The following LRRK2 variants were observed in gnomAD, a reference collection of about 807,000 sequenced individuals.
The protein encoded by LRRK2 is leucine rich repeat kinase 2, also known as leucine-rich repeat serine/threonine-protein kinase 2.
Under a neutral mutation model 302.6 loss-of-function variants are expected in LRRK2, and 203 were observed. That is an observed-to-expected ratio of 0.67 (90% CI 0.60 to 0.75). LRRK2 has a LOEUF of 0.75. LRRK2 is among the 30% of genes least tolerant of loss of function. LRRK2 has a pLI of 0.00. For missense variants in LRRK2, 2,830 were observed against 2,951.0 expected, an observed-to-expected ratio of 0.96 and a Z score of 0.95; for synonymous variants, 1,066 against 1,031.9, an observed-to-expected ratio of 1.03 and a Z score of -0.63.
Position 40,314,033 on chromosome 12 carries a change from T to G in LRRK2, c.4598T>G (p.Ile1533Ser). Residue 1533 changes from isoleucine (I) to serine (S), a missense_variant, in exon 32 of 51, where the codon ATC becomes AGC. Ile to Ser is a moderately radical substitution (Grantham distance 142). Around this residue, in one of 3 missense-constraint regions of LRRK2, gnomAD observed 2,121 missense variants for 2,148.0 expected, o/e 0.99. Coordinates refer to ENST00000298910, the MANE Select transcript of LRRK2 (RefSeq NM_198578.4). Reference sequence around the variant, plus strand: ...GACTGCTATGTAGAACTTGAAAAAATCATTTTATCGGAGCGTAAAAATGTG... The same window carrying G: ...GACTGCTATGTAGAACTTGAAAAAAGCATTTTATCGGAGCGTAAAAATGTG... ...IPDCYVELEK[I>S]ILSERKNVPI... The G allele has an allele frequency of 6.2e-7, 1 of 1,612,398 alleles. No homozygotes were observed. Among genetic ancestry groups the G allele is most frequent in the Non-Finnish European group, 8.5e-7 (1 of 1,178,916 alleles).
intron 2 of LRRK2, among the ~76,000 whole-genome samples, chr12:40,230,533 T>C (rs965153654): frequency 6.6e-6 from 1 of 152,224 alleles, no homozygotes; most frequent in African/African-American, 2.4e-5. Context: ...TACCTCTTCA[T>C]ATTATATTCT....
At chr12:40,226,673 C>T (rs1940902218) in intron 2 of LRRK2, among the ~76,000 whole-genome samples, 1 of 151,110 alleles carries the variant, frequency 6.6e-6, no homozygotes, top group African/African-American at 2.5e-5. Context: ...TTCCATCTGA[C>T]TATTATAGAT....
intron 39 of LRRK2, among the ~76,000 whole-genome samples, chr12:40,332,251 G>A (rs1268799146): frequency 1.3e-5 from 2 of 152,182 alleles, no homozygotes; most frequent in Non-Finnish European, 2.9e-5. Flanking sequence ...AAGTCCAGGG[G>A]CTGCATGGGT....
Position 40,249,847 on chromosome 12 carries a change from T to A in LRRK2, c.860T>A (p.Val287Glu), listed in dbSNP as rs775324471. Residue 287 changes from valine to glutamate, a missense_variant, in exon 8 of 51, where the codon GTA (valine) becomes GAA (glutamate). By Grantham distance (121) the Val-to-Glu change is moderately radical. Transcript: ENST00000298910. ...LTLGNFFNIL[V>E]LNEVHEFVVK... is the part of the protein sequence containing the mutation. The stretch of plus-strand genomic sequence containing the variant: ...TTAGGTAATTTTTTCAATATCCTGG[T>A]ATTAAACGAAGTCCATGAGTTTGTG... 1 of 1,613,842 alleles carries A rather than the reference T, an allele frequency of 6.2e-7. No individual in the cohort carries two copies. The highest frequency in any genetic ancestry group is 1.7e-5 in the Admixed American group (1 of 60,006).
intron 7 of LRRK2, among the ~76,000 whole-genome samples, chr12:40,246,507 T>G (rs1274648795): frequency 6.6e-6 from 1 of 152,132 alleles, no homozygotes; most frequent in African/African-American, 2.4e-5. Flanking sequence ...TACATGGCTA[T>G]TTTGTGTTTT....
intron 40 of LRRK2, among the ~76,000 whole-genome samples, chr12:40,337,605 T>C (rs1945912977): frequency 6.6e-6 from 1 of 152,184 alleles, no homozygotes; most frequent in South Asian, 2.1e-4. Flanking sequence ...ACATTATCTT[T>C]TTAGTCAATT....
intron 37 of LRRK2, among the ~76,000 whole-genome samples, chr12:40,322,957 T>C (rs1035431624): frequency 6.6e-6 from 1 of 152,136 alleles, no homozygotes; most frequent in Admixed American, 6.5e-5. Context: ...AACGTAGGAA[T>C]AAGTTTTTAA....
rs199565937 is a variant in LRRK2, at chr12:40,293,697, G to A, written c.2808+34G>A. The A allele has an allele frequency of 1.7e-5, 24 of 1,404,266 alleles. No homozygotes were observed. In the South Asian group the frequency reaches 2.5e-4, roughly 15 times the overall value. 87.0% of individuals were successfully genotyped at this position (1,404,266 alleles called of 1,614,324 possible). A position where few individuals can be genotyped will look rare whatever the true frequency, so the allele number is the denominator to read the frequency against. On this transcript the variant is annotated intron_variant, in intron 21 of 50. Coordinates refer to ENST00000298910, the MANE Select transcript of LRRK2 (RefSeq NM_198578.4). ...AATTGTGCAATTGTGATTATGTTGT[G>A]TTTTGCTGCTGACATTCTCTTGATA...
intron 40 of LRRK2, among the ~76,000 whole-genome samples, chr12:40,335,967 T>C (rs1383173977): frequency 1.3e-5 from 2 of 152,182 alleles, no homozygotes; most frequent in African/African-American, 2.4e-5. Context: ...TCTAACAATT[T>C]CTCTCACTAA....
At chr12:40,316,802 T>TA in intron 33 of LRRK2, among the ~76,000 whole-genome samples, 1 of 152,020 alleles carries the variant, frequency 6.6e-6, no homozygotes, top group South Asian at 2.1e-4. Context: ...TGGGGACAAA[T>TA]AAAAAAGATG....
At chr12:40,234,667 G>T (rs1941369885) in intron 3 of LRRK2, among the ~76,000 whole-genome samples, 1 of 151,974 alleles carries the variant, frequency 6.6e-6, no homozygotes, top group Admixed American at 6.5e-5. Flanking sequence ...GTGAGCAACG[G>T]CCACCGGCCC....
chr12:40,275,843 C>T (rs571780661), intron 16 of LRRK2, among the ~76,000 whole-genome samples: 67 of 152,050 alleles, frequency 4.4e-4, no homozygotes, highest in African/African-American at 1.5e-3. Flanking sequence ...ACTCCCTGGT[C>T]TCAAGCAATC....
rs752422314 is a variant in LRRK2 at position 40,225,325 on chromosome 12, T to C, written c.151+43T>C. 4.4e-6 allele frequency: 7 copies of C among 1,607,588 alleles called. No individual in the cohort carries two copies. In the East Asian group the frequency reaches 1.3e-4, roughly 31 times the overall value. On this transcript the variant is annotated intron_variant, in intron 1 of 50. Transcript: ENST00000298910. ...AACTGTGCTTTTATTTTTGCAAACTTTCTCCCCCTCCTTACATTTGCAAAT... is the reference window on the plus strand; with the variant it reads ...AACTGTGCTTTTATTTTTGCAAACTCTCTCCCCCTCCTTACATTTGCAAAT...
At chr12:40,295,790 C>A in intron 23 of LRRK2, 146 bp downstream of exon 23, 1 of 694,952 alleles carries the variant, frequency 1.4e-6, no homozygotes, top group African/African-American at 1.8e-5. Flanking sequence ...TTTTTGCACA[C>A]ATATCTTAGT....
At chr12:40,267,716 T>A (rs1392524860) in intron 14 of LRRK2, among the ~76,000 whole-genome samples, 2 of 152,062 alleles carry the variant, frequency 1.3e-5, no homozygotes, top group African/African-American at 4.8e-5. Flanking sequence ...GAAACACAAG[T>A]AACAATATTT....
At chr12:40,362,021 C>T (rs1202691662) in intron 47 of LRRK2, among the ~76,000 whole-genome samples, 1 of 152,036 alleles carries the variant, frequency 6.6e-6, no homozygotes, top group African/African-American at 2.4e-5. Context: ...AATTATTTAG[C>T]ATTTGTACAT....
At chr12:40,246,099 C>T (rs2404581) in intron 7 of LRRK2, among the ~76,000 whole-genome samples, 77,150 of 151,568 alleles carry the variant, frequency 0.51, 20,557 homozygotes, top group South Asian at 0.71. Flanking sequence ...AGGGTTTAAA[C>T]TTTTAAAAAA....
At chr12:40,296,724 A>C (rs888823194) in intron 23 of LRRK2, among the ~76,000 whole-genome samples, 1 of 152,190 alleles carries the variant, frequency 6.6e-6, no homozygotes, top group Non-Finnish European at 1.5e-5. Context: ...GCAACATTAC[A>C]TAAATTTTAA....
chr12:40,352,203 G>A (rs1946373485), intron 44 of LRRK2, among the ~76,000 whole-genome samples: 1 of 151,116 alleles, frequency 6.6e-6, no homozygotes, highest in Non-Finnish European at 1.5e-5. Context: ...AACTTTCAAG[G>A]CATTTCTGGG....
Sources: allele counts gnomAD v4.1 joint callset (sites outside exome capture counted in the v4.1 genomes callset), GRCh38; gene constraint gnomAD v4.1.1; regional missense constraint gnomAD v4.1.1; transcripts MANE v1.5; gene names NCBI Gene and HGNC (gene_info 2026-07-23, HGNC 2026-07-21).